The following KIAA1217 variants were observed in gnomAD, a reference collection of about 807,000 sequenced individuals.
KIAA1217 encodes KIAA1217.
Under a neutral mutation model 163.9 loss-of-function variants are expected in KIAA1217, and 88 were observed. That is an observed-to-expected ratio of 0.54 (90% CI 0.45 to 0.64). KIAA1217 has a LOEUF of 0.64. Among genes scored for constraint, KIAA1217 ranks in the 30% least tolerant of loss-of-function variants. The pLI, the probability that KIAA1217 is intolerant of heterozygous loss-of-function variation, is 0.00. For synonymous variants in KIAA1217, 903 were observed against 923.1 expected, an observed-to-expected ratio of 0.98 and a Z score of 0.39; for missense variants, 2,372 against 2,475.0, an observed-to-expected ratio of 0.96 and a Z score of 0.88.
intron 2 of KIAA1217, among the ~76,000 whole-genome samples, chr10:24,041,139 T>C (rs940373559): frequency 1.3e-5 from 2 of 152,242 alleles, no homozygotes; most frequent in Non-Finnish European, 2.9e-5. Context: ...TGGAGTTATA[T>C]GACCACATCT....
At chr10:24,413,015 A>G (rs2057934038) in intron 3 of KIAA1217, among the ~76,000 whole-genome samples, 1 of 152,134 alleles carries the variant, frequency 6.6e-6, no homozygotes, top group African/African-American at 2.4e-5. Context: ...ATCTCATTTC[A>G]TATCTAATCT....
intron 2 of KIAA1217, among the ~76,000 whole-genome samples, chr10:24,178,281 T>C (rs538350414): frequency 6.6e-6 from 1 of 152,376 alleles, no homozygotes; most frequent in Non-Finnish European, 1.5e-5. Flanking sequence ...TTTATTTGTA[T>C]AAAGTGACTT....
intron 2 of KIAA1217, among the ~76,000 whole-genome samples, chr10:24,044,281 GTCGTAAGA>G (rs2131564096): frequency 6.6e-6 from 1 of 152,278 alleles, no homozygotes; most frequent in South Asian, 2.1e-4. Flanking sequence ...GAACGTGGTT[GTCGTAAGA>G]TCAAGAAATC....
chr10:23,945,256 A>G (rs1342180551), intron 1 of KIAA1217, among the ~76,000 whole-genome samples: 1 of 152,158 alleles, frequency 6.6e-6, no homozygotes, highest in African/African-American at 2.4e-5. Context: ...GAGGATAAAC[A>G]AACTGTGCTA....
At position 24,211,567 on chromosome 10, in the gene KIAA1217, AT is replaced by A. The variant is rs2068112119; in HGVS notation, c.70+2306del. ...ATTGTATTGTATTGTATTGTATTGT[AT>A]TGTATTGTATTGTATTGTATTGTAT... On this transcript the variant is annotated intron_variant, in intron 1 of 20. Transcript: ENST00000376454. Among the ~76,000 whole-genome samples the A allele has an allele frequency of 2.9e-5, 4 of 138,618 alleles. 1 individual carries two copies. Among genetic ancestry groups the A allele is most frequent in the African/African-American group, 1.1e-4 (4 of 35,290 alleles). 90.9% of individuals were successfully genotyped at this position (138,618 alleles called of 152,430 possible).
At position 24,034,611 on chromosome 10, in the gene KIAA1217, C is replaced by T. The variant is rs571422610; in HGVS notation, c.-171+27237C>T. 4.0e-5 allele frequency among the ~76,000 whole-genome samples: 6 copies of T among 151,408 alleles called. No individual in the cohort carries two copies. In the East Asian group the frequency reaches 1.2e-3, roughly 29 times the overall value. On this transcript the variant is annotated intron_variant, in intron 2 of 18. Transcript: ENST00000376462. ...AGTCAGACAAAGCTTACCAAGCTAC[C>T]AGGTTGTTTGTCTTGACATCTGGCC...
chr10:23,805,797 T>C (rs963362681), intron 1 of KIAA1217, among the ~76,000 whole-genome samples: 12 of 151,680 alleles, frequency 7.9e-5, no homozygotes, highest in African/African-American at 2.9e-4. Context: ...GTGGGTCCCC[T>C]GAGGTCAGGA....
intron 1 of KIAA1217, among the ~76,000 whole-genome samples, chr10:23,713,607 T>C (rs1185616596): frequency 2.0e-5 from 3 of 152,212 alleles, no homozygotes; most frequent in Non-Finnish European, 4.4e-5. Context: ...AGGTTTGGTT[T>C]AATTTCTTTG....
At chr10:23,878,847 T>TGGATTTGGGGTATGAGAGAAAAAAGATC (rs1387299569) in intron 1 of KIAA1217, among the ~76,000 whole-genome samples, 24 of 151,958 alleles carry the variant, frequency 1.6e-4, no homozygotes, top group Non-Finnish European at 3.2e-4. Flanking sequence ...TCTTCCAGAT[T>TGGATTTGGGGTATGAGAGAAAAAAGATC]GGATTTGGGG....
At chr10:24,396,865 A>G (rs2055831058) in intron 3 of KIAA1217, among the ~76,000 whole-genome samples, 1 of 152,212 alleles carries the variant, frequency 6.6e-6, no homozygotes, top group Non-Finnish European at 1.5e-5. Context: ...AGGTAGGATC[A>G]GTGGCGCCAC....
At chr10:24,256,217 C>T (rs2075145511) in intron 2 of KIAA1217, among the ~76,000 whole-genome samples, 1 of 152,144 alleles carries the variant, frequency 6.6e-6, no homozygotes, top group Non-Finnish European at 1.5e-5. Flanking sequence ...TTGTTCCTGC[C>T]TGACTACAAC....
chr10:23,847,063 C>T (rs959210513), intron 1 of KIAA1217, among the ~76,000 whole-genome samples: 1 of 152,108 alleles, frequency 6.6e-6, no homozygotes, highest in African/African-American at 2.4e-5. Context: ...GTTGAACCAC[C>T]CTTGCCTCCC....
At chr10:23,935,860 A>G (rs1265228883) in intron 1 of KIAA1217, among the ~76,000 whole-genome samples, 1 of 152,198 alleles carries the variant, frequency 6.6e-6, no homozygotes, top group Non-Finnish European at 1.5e-5. Context: ...ACTGAAGCCC[A>G]CCTAATGGTG....
intron 5 of KIAA1217, among the ~76,000 whole-genome samples, chr10:24,467,810 GTGTA>G (rs2063106789): frequency 7.7e-6 from 1 of 130,140 alleles, no homozygotes; most frequent in African/African-American, 3.0e-5. Context: ...GTATGTGTGT[GTGTA>G]TGTGTGTGTG....
chr10:23,810,453 A>G (rs1363568022), intron 1 of KIAA1217, among the ~76,000 whole-genome samples: 2 of 142,402 alleles, frequency 1.4e-5, no homozygotes, highest in East Asian at 2.0e-4. Flanking sequence ...AGATTATCCT[A>G]TGTATACTAT....
At chr10:24,066,682 G>A (rs1163706914) in intron 2 of KIAA1217, among the ~76,000 whole-genome samples, 1 of 152,158 alleles carries the variant, frequency 6.6e-6, no homozygotes, top group Admixed American at 6.5e-5. Flanking sequence ...GAATTTGAAT[G>A]TTGGTCTGCC....
In KIAA1217 at chr10:24,202,823, G is replaced by A. The variant is rs146631051; in HGVS notation, c.-170-16803G>A. Among the ~76,000 whole-genome samples the A allele has an allele frequency of 1.4e-3, 206 of 152,294 alleles. 3 individuals are homozygous for A. The East Asian group carries it at 0.034, about 25-fold the overall frequency. ...TATGGCCGAACTGCATGATGCCTTA[G>A]GGCTCTTACAGCAATGCCCCCCAAA... On this transcript the variant is annotated intron_variant, in intron 2 of 18. Transcript: ENST00000376462.
intron 1 of KIAA1217, among the ~76,000 whole-genome samples, chr10:23,719,520 G>T (rs1428304477): frequency 6.6e-6 from 1 of 151,998 alleles, no homozygotes; most frequent in Non-Finnish European, 1.5e-5. Context: ...GGTCATGGCT[G>T]CAGTGAGCCA....
chr10:24,544,589 CTT>C (rs796806090), intron 19 of KIAA1217, 108 bp downstream of exon 19: 2,512 of 1,081,118 alleles, frequency 2.3e-3, no homozygotes, highest in South Asian at 4.0e-3. Flanking sequence ...TTTCAGGTGG[CTT>C]TTTTTTTTTT....
Sources: gnomAD v4.1 joint callset for allele counts (sites outside exome capture counted in the v4.1 genomes callset) on GRCh38, gnomAD v4.1.1 for gene constraint, MANE v1.5 for transcripts, NCBI Gene and HGNC (gene_info 2026-07-23, HGNC 2026-07-21) for gene names.